Variants in SLCO2A1 observed in about 807,000 individuals in gnomAD.
SLCO2A1 encodes matrin F/G 1.
In SLCO2A1, 60 loss-of-function variants were observed where a neutral mutation model predicts 71.7. That is an observed-to-expected ratio of 0.84 (90% CI 0.68 to 1.04). SLCO2A1 has a LOEUF of 1.04. Ranked by LOEUF, SLCO2A1 falls within the 50% of genes least tolerant of loss-of-function variation. The pLI is 0.00. For missense variants in SLCO2A1, 745 were observed against 813.4 expected, an observed-to-expected ratio of 0.92 and a Z score of 1.02; for synonymous variants, 308 against 326.7, an observed-to-expected ratio of 0.94 and a Z score of 0.62.
intron 4 of SLCO2A1, among the ~76,000 whole-genome samples, chr3:133,954,106 T>G (rs574346870): frequency 6.6e-6 from 1 of 151,036 alleles, no homozygotes; most frequent in East Asian, 1.9e-4. Context: ...GGGGGTGGTC[T>G]GTGTGGTCTG....
intron 12 of SLCO2A1, among the ~76,000 whole-genome samples, chr3:133,937,547 G>A (rs1933299837): frequency 6.6e-6 from 1 of 152,192 alleles, no homozygotes; most frequent in Non-Finnish European, 1.5e-5. Flanking sequence ...TGCAGGGCGC[G>A]GTGTTGACCT....
rs768320816 is a variant in SLCO2A1, at chr3:133,948,987, G to T, written c.862-16C>A. On this transcript the variant is annotated splice_polypyrimidine_tract_variant and intron_variant, in intron 6 of 13. Coordinates refer to ENST00000310926, the MANE Select transcript of SLCO2A1 (RefSeq NM_005630.3). ...CAGGAGCCCTCTGAAGGCAATAAAA[G>T]GGGTGAGTGTTCACGGCCCAGGCTC... 2.0e-5 allele frequency: 32 copies of T among 1,610,480 alleles called. No individual in the cohort carries two copies. In the Admixed American group the frequency reaches 4.8e-4, roughly 24 times the overall value.
In SLCO2A1 at chr3:134,029,504, A is replaced by G. The variant is rs1016655882; in HGVS notation, c.96+203T>C. 2.1e-3 allele frequency among the ~76,000 whole-genome samples: 315 copies of G among 148,910 alleles called. 2 individuals carry two copies. The highest frequency in any genetic ancestry group is 3.4e-3 in the Non-Finnish European group (229 of 67,764). On this transcript the variant is annotated intron_variant, in intron 1 of 13. Transcript: ENST00000310926. ...CACACACACACTCGCACGCACACAC[A>G]CACGCTCACACACACACACGCTCAC... is the stretch of plus-strand genomic sequence containing the variant.
intron 2 of SLCO2A1, among the ~76,000 whole-genome samples, chr3:133,979,052 C>T (rs907944905): frequency 1.3e-5 from 2 of 152,176 alleles, no homozygotes; most frequent in Non-Finnish European, 2.9e-5. Context: ...GGGGCTTATC[C>T]TCTCTAGACT....
In SLCO2A1 at chr3:134,029,831, T is replaced by C; in HGVS notation, c.-29A>G. 7.5e-7 allele frequency: 1 copy of C among 1,337,682 alleles called. No individual in the cohort carries two copies. The highest frequency in any genetic ancestry group is 1.9e-5 in the South Asian group (1 of 53,650). 82.9% of individuals were successfully genotyped at this position (1,337,682 alleles called of 1,614,324 possible). On this transcript the variant is annotated 5_prime_UTR_variant, in exon 1 of 14. Transcript: ENST00000310926. ...TGCGGGCGGCTGGCCGGGCGCGGAG[T>C]GGCGCGGGGTCGGGGCGCCTCGGGC...
At chr3:133,979,663 C>T (rs777959497) in intron 1 of SLCO2A1, 45 bp from the exon 2 acceptor site, 2 of 1,552,134 alleles carry the variant, frequency 1.3e-6, no homozygotes, top group Non-Finnish European at 1.7e-6. Flanking sequence ...GACGACAAGC[C>T]CTGGCGCCCT....
intron 1 of SLCO2A1, among the ~76,000 whole-genome samples, chr3:134,008,096 C>A (rs1935256398): frequency 6.6e-6 from 1 of 152,196 alleles, no homozygotes. Flanking sequence ...GTCTGATTCA[C>A]AGTCGTGCTC....
chr3:133,940,523 C>T (rs1427664477), intron 11 of SLCO2A1, among the ~76,000 whole-genome samples: 5 of 152,126 alleles, frequency 3.3e-5, no homozygotes, highest in African/African-American at 9.7e-5. Context: ...CAGGGATTGC[C>T]CTTCTTCCTG....
chr3:134,025,104 A>G (rs947807289), intron 1 of SLCO2A1, among the ~76,000 whole-genome samples: 26 of 152,332 alleles, frequency 1.7e-4, no homozygotes, highest in African/African-American at 6.0e-4. Flanking sequence ...CGGCCGAAGC[A>G]TGAGAAAACT....
chr3:134,029,821 GGGCGCGGAGT>G lies in SLCO2A1; in HGVS notation c.-29_-20del. 5.0e-6 allele frequency: 7 copies of G among 1,389,888 alleles called. No homozygotes were observed. Among genetic ancestry groups the G allele is most frequent in the Non-Finnish European group, 6.5e-6 (7 of 1,074,584 alleles). The allele number at this position is 1,389,888 out of a possible 1,614,324, so 86.1% of individuals were successfully genotyped here. On this transcript the variant is annotated 5_prime_UTR_variant, in exon 1 of 14. Transcript: ENST00000310926. Reference sequence around the variant, plus strand: ...GCCCCATGGCTGCGGGCGGCTGGCCGGGCGCGGAGTGGCGCGGGGTCGGGGCGCCTCGGGC... The same window carrying G: ...GCCCCATGGCTGCGGGCGGCTGGCCGGGCGCGGGGTCGGGGCGCCTCGGGC...
intron 1 of SLCO2A1, among the ~76,000 whole-genome samples, chr3:134,020,134 C>T (rs1404181973): frequency 6.6e-6 from 1 of 152,078 alleles, no homozygotes; most frequent in Admixed American, 6.5e-5. Flanking sequence ...CCCCCAGTCA[C>T]GCACCCCCTG....
chr3:134,005,838 G>C (rs115343282), intron 1 of SLCO2A1, among the ~76,000 whole-genome samples: 4,460 of 152,070 alleles, frequency 0.029, 227 homozygotes, highest in African/African-American at 0.1. Context: ...TATTTATATT[G>C]TGTTCCTATT....
intron 1 of SLCO2A1, among the ~76,000 whole-genome samples, chr3:134,025,625 A>G (rs887225971): frequency 6.6e-6 from 1 of 152,192 alleles, no homozygotes; most frequent in African/African-American, 2.4e-5. Flanking sequence ...AAAGAAATGT[A>G]AATACTGGTC....
chr3:133,979,398 C>T (rs1205587911), intron 2 of SLCO2A1, 83 bp downstream of exon 2: 4 of 1,555,450 alleles, frequency 2.6e-6, no homozygotes, highest in Admixed American at 3.3e-5. Flanking sequence ...CACATCTCAG[C>T]CCCCTGTTCC....
chr3:134,004,802 TA>T (rs1399157943), intron 1 of SLCO2A1, among the ~76,000 whole-genome samples: 3 of 152,210 alleles, frequency 2.0e-5, no homozygotes, highest in Non-Finnish European at 4.4e-5. Flanking sequence ...GATCCTCCAC[TA>T]AAGCCTCCAG....
intron 12 of SLCO2A1, 145 bp from the exon 13 acceptor site, chr3:133,936,042 G>T: frequency 1.2e-6 from 1 of 819,770 alleles, no homozygotes; most frequent in Non-Finnish European, 1.7e-6. Flanking sequence ...ACTCTGGAAA[G>T]CAGAATAGCT....
intron 3 of SLCO2A1, among the ~76,000 whole-genome samples, chr3:133,956,977 T>C (rs1933913601): frequency 6.6e-6 from 1 of 152,242 alleles, no homozygotes; most frequent in Non-Finnish European, 1.5e-5. Context: ...AGAAATACTT[T>C]TGAAATAAAG....
intron 1 of SLCO2A1, among the ~76,000 whole-genome samples, chr3:133,981,515 A>G (rs1934588878): frequency 6.6e-6 from 1 of 152,188 alleles, no homozygotes; most frequent in Non-Finnish European, 1.5e-5. Context: ...GCTAGGCCCA[A>G]GCTCAGATCT....
intron 8 of SLCO2A1, among the ~76,000 whole-genome samples, chr3:133,947,944 G>A (rs922524629): frequency 1.3e-5 from 2 of 152,170 alleles, no homozygotes; most frequent in Non-Finnish European, 2.9e-5. Context: ...GTTGGGCCCA[G>A]TGATTTCCTA....
Sources: gnomAD v4.1 joint callset for allele counts (sites outside exome capture counted in the v4.1 genomes callset) on GRCh38, gnomAD v4.1.1 for gene constraint, MANE v1.5 for transcripts, NCBI Gene and HGNC (gene_info 2026-07-23, HGNC 2026-07-21) for gene names.